PCDH15: variants seen among roughly 807,000 people sequenced by gnomAD.
The protein encoded by PCDH15 is protocadherin-15.
PCDH15 carries 129 observed loss-of-function variants against 178.5 expected under a neutral mutation model. The ratio of observed to expected loss-of-function variants is 0.72; its 90% CI spans 0.63 to 0.84. The LOEUF is 0.84. PCDH15 is among the 40% of genes least tolerant of loss of function. PCDH15 has a pLI of 0.00. For missense variants in PCDH15, 2,230 were observed against 2,099.9 expected, an observed-to-expected ratio of 1.06 and a Z score of -1.21; for synonymous variants, 800 against 732.0, an observed-to-expected ratio of 1.09 and a Z score of -1.50.
At chr10:54,461,396 G>T (rs2077157095) in intron 3 of PCDH15, among the ~76,000 whole-genome samples, 1 of 151,970 alleles carries the variant, frequency 6.6e-6, no homozygotes, top group Non-Finnish European at 1.5e-5. Flanking sequence ...AGTGGTTGTG[G>T]TTCTCGGTTC....
chr10:53,892,276 C>T (rs2081623964), intron 26 of PCDH15, among the ~76,000 whole-genome samples: 2 of 152,016 alleles, frequency 1.3e-5, no homozygotes, highest in Admixed American at 6.6e-5. Flanking sequence ...CCACCCGCCC[C>T]GGCCTCCCAA....
At chr10:55,202,811 G>C (rs897901313) in intron 1 of PCDH15, among the ~76,000 whole-genome samples, 4 of 152,118 alleles carry the variant, frequency 2.6e-5, no homozygotes, top group African/African-American at 9.7e-5. Context: ...GTGTTTGGAA[G>C]TTCCTGCTTC....
intron 23 of PCDH15, among the ~76,000 whole-genome samples, chr10:53,954,026 G>A (rs1471816331): frequency 4.6e-5 from 7 of 152,080 alleles, no homozygotes; most frequent in African/African-American, 1.4e-4. Context: ...TCCTGACCTC[G>A]TGATCCGCCC....
chr10:53,847,110 A>T (rs1352748384), intron 28 of PCDH15, among the ~76,000 whole-genome samples: 1 of 152,040 alleles, frequency 6.6e-6, no homozygotes, highest in Non-Finnish European at 1.5e-5. Flanking sequence ...CAGTGGGAAA[A>T]GTAGTCAAAC....
At chr10:54,600,002 A>G in intron 2 of PCDH15, 3 of 1,342,952 alleles carry the variant, frequency 2.2e-6, no homozygotes, top group Non-Finnish European at 3.1e-6. Context: ...AAATCACCAA[A>G]GGAAGAGGCA....
At chr10:54,528,270 T>C (rs2083553669) in intron 2 of PCDH15, 2 of 957,310 alleles carry the variant, frequency 2.1e-6, no homozygotes, top group South Asian at 1.5e-5. Flanking sequence ...TTAATTGTGA[T>C]AAAGGGTCTA....
intron 8 of PCDH15, among the ~76,000 whole-genome samples, chr10:54,277,423 A>G (rs1345682482): frequency 1.3e-5 from 2 of 151,688 alleles, no homozygotes; most frequent in East Asian, 3.9e-4. Context: ...TGGAAGGTAC[A>G]TGACATTCCT....
intron 3 of PCDH15, among the ~76,000 whole-genome samples, chr10:54,855,049 G>T (rs1953712424): frequency 6.6e-6 from 1 of 152,222 alleles, no homozygotes; most frequent in South Asian, 2.1e-4. Context: ...GGCTGAGGCT[G>T]CAGGGGGCTG....
intron 21 of PCDH15, among the ~76,000 whole-genome samples, chr10:53,991,833 G>T (rs1439378117): frequency 1.3e-5 from 2 of 152,024 alleles, no homozygotes; most frequent in African/African-American, 4.8e-5. Context: ...TGTCAAAACA[G>T]ACCAATCAGC....
intron 2 of PCDH15, among the ~76,000 whole-genome samples, chr10:55,374,814 G>T (rs1458986487): frequency 6.6e-6 from 1 of 151,620 alleles, no homozygotes; most frequent in Non-Finnish European, 1.5e-5. Flanking sequence ...GCCATTACAC[G>T]GTACCTCACT....
chr10:54,145,778 A>G (rs1281222260), intron 14 of PCDH15, among the ~76,000 whole-genome samples: 4 of 152,138 alleles, frequency 2.6e-5, no homozygotes, highest in Admixed American at 6.6e-5. Context: ...CTCATGGGCT[A>G]TATCTGTTGA....
rs554224599 is a variant in PCDH15, at chr10:55,485,722, A to C, written c.-156+141903T>G. On this transcript the variant is annotated intron_variant, in intron 2 of 5. Transcript: ENST00000613346. ...CGTTTAGTATAGCCATTATGGAAAA[A>C]CCATATGGAGGTTCCTCAAAAAATT... 3.3e-5 allele frequency among the ~76,000 whole-genome samples: 5 copies of C among 151,682 alleles called. No homozygotes were observed. In the South Asian group the frequency reaches 1.0e-3, roughly 31 times the overall value.
At chr10:54,416,549 A>T (rs61853566) in intron 3 of PCDH15, among the ~76,000 whole-genome samples, 1 of 152,106 alleles carries the variant, frequency 6.6e-6, no homozygotes, top group Non-Finnish European at 1.5e-5. Context: ...GGTTTGTTCC[A>T]TGACTTTGCT....
rs189035595 is a variant in PCDH15 at position 54,859,560 on chromosome 10, C to A, written c.-29+37890G>T. 5.8e-4 allele frequency among the ~76,000 whole-genome samples: 88 copies of A among 152,072 alleles called. 1 individual carries two copies. Among genetic ancestry groups the A allele is most frequent in the Admixed American group, 2.7e-3 (41 of 15,266 alleles). The stretch of plus-strand genomic sequence containing the variant: ...AGAGTACTGCTTTATAGCTCATCTC[C>A]TTCCCCGAGCTTTTTCTAGTTCTGT... On this transcript the variant is annotated intron_variant, in intron 3 of 5. Transcript: ENST00000458638.
intron 1 of PCDH15, among the ~76,000 whole-genome samples, chr10:54,691,113 C>A (rs1440931818): frequency 6.6e-6 from 1 of 151,996 alleles, no homozygotes; most frequent in Non-Finnish European, 1.5e-5. Context: ...AATATGAAAA[C>A]CCACAAATAA....
intron 15 of PCDH15, among the ~76,000 whole-genome samples, chr10:54,116,561 A>T (rs2095116703): frequency 6.6e-6 from 1 of 152,248 alleles, no homozygotes; most frequent in Admixed American, 6.5e-5. Context: ...ATTATGAAGC[A>T]ACATCCTTCA....
intron 2 of PCDH15, among the ~76,000 whole-genome samples, chr10:54,642,454 T>C (rs1034950909): frequency 1.3e-5 from 2 of 152,186 alleles, no homozygotes; most frequent in Non-Finnish European, 2.9e-5. Flanking sequence ...GCTTATATAT[T>C]ATTCCCTCCA....
chr10:55,513,263 G>A (rs1423662525), intron 2 of PCDH15: 1 of 152,048 alleles, frequency 6.6e-6, no homozygotes, highest in Non-Finnish European at 1.5e-5. Flanking sequence ...CTAGGTGTAT[G>A]TAGTGTGTCC....
rs775413614 is a variant in PCDH15, at chr10:55,341,762, CATATATATATATATATATATATATATAT to C, written c.-155-175139_-155-175112del. Among the ~76,000 whole-genome samples the C allele has an allele frequency of 2.3e-4, 10 of 44,028 alleles. 2 individuals are homozygous for C. The South Asian group carries it at 7.3e-3, about 32-fold the overall frequency. 28.9% of individuals were successfully genotyped at this position (44,028 alleles called of 152,430 possible). A position where few individuals can be genotyped will look rare whatever the true frequency, so the allele number is the denominator to read the frequency against. On this transcript the variant is annotated intron_variant, in intron 2 of 5. Coordinates refer to the PCDH15 transcript ENST00000613346. ...TTTTTTTTGTATATACATACATATG[CATATATATATATATATATATATATATAT>C]ATATATATATATATATTTTTTTTTT...
Sources: allele counts gnomAD v4.1 joint callset (sites outside exome capture counted in the v4.1 genomes callset), GRCh38; gene constraint gnomAD v4.1.1; transcripts MANE v1.5; gene names NCBI Gene and HGNC (gene_info 2026-07-23, HGNC 2026-07-21).